PRKAR1A: variants seen among roughly 807,000 people sequenced by gnomAD.
PRKAR1A encodes protein kinase cAMP-dependent type I regulatory subunit alpha, also known as cAMP-dependent protein kinase type I-alpha regulatory subunit.
PRKAR1A carries 3 observed loss-of-function variants against 52.0 expected under a neutral mutation model. The observed-to-expected ratio is 0.06, with a 90% CI of 0.03 to 0.15. The LOEUF is 0.15. Ranked by LOEUF, PRKAR1A falls within the 10% of genes least tolerant of loss-of-function variation. The probability of loss-of-function intolerance (pLI) is 1.00; values close to 1 mark genes in which losing one functional copy is unlikely to be tolerated. For synonymous variants in PRKAR1A, 188 were observed against 168.4 expected (o/e 1.12, Z -0.90); for missense variants, 240 against 477.4 (o/e 0.50, Z 4.63).
chr17:68,454,638 C>T, the PRKAR1A span, among the ~76,000 whole-genome samples: 3 of 152,126 alleles, frequency 2.0e-5, no homozygotes, highest in Admixed American at 6.6e-5. Context: ...AAAAGTAAGC[C>T]CAGAGCATCT....
intron 11 of PRKAR1A, among the ~76,000 whole-genome samples, chr17:68,544,349 C>T (rs2086451695): frequency 6.6e-6 from 1 of 152,128 alleles, no homozygotes; most frequent in Non-Finnish European, 1.5e-5. Context: ...CTGAAAAGCG[C>T]CAGGCTGCCT....
At chr17:68,510,482 C>G (rs866725953), upstream of PRKAR1A, among the ~76,000 whole-genome samples, 1 of 152,140 alleles carries the variant, frequency 6.6e-6, no homozygotes, top group African/African-American at 2.4e-5. Context: ...ACCGAGGAAA[C>G]GGACACCCAT....
At chr17:68,441,440 C>T in the PRKAR1A span, among the ~76,000 whole-genome samples, 1 of 152,162 alleles carries the variant, frequency 6.6e-6, no homozygotes, top group African/African-American at 2.4e-5. Flanking sequence ...CCTTCTGTAC[C>T]CAGCAAGGAT....
At chr17:68,467,820 C>G in the PRKAR1A span, among the ~76,000 whole-genome samples, 111,616 of 151,818 alleles carry the variant, frequency 0.74, 41,387 homozygotes, top group Middle Eastern at 0.79. Context: ...TGATTGCTTC[C>G]AAACTTAGCT....
rs368661273 is a variant in PRKAR1A, at chr17:68,523,677, A to G, written c.349-48A>G. On this transcript the variant is annotated intron_variant, in intron 3 of 10. Coordinates refer to ENST00000589228, the MANE Select transcript of PRKAR1A (RefSeq NM_002734.5). ...TTGAAGCGCAGGTTGCAAACGTGAA[A>G]TGTTTTTGGTTTATGGAATTGTCAT... 8.1e-6 allele frequency: 12 copies of G among 1,473,116 alleles called. No homozygotes were observed. In the African/African-American group the frequency reaches 1.7e-4, roughly 20 times the overall value. The allele number at this position is 1,473,116 out of a possible 1,614,324, so 91.3% of individuals were successfully genotyped here. A position where few individuals can be genotyped will look rare whatever the true frequency, so the allele number is the denominator to read the frequency against.
the PRKAR1A span, among the ~76,000 whole-genome samples, chr17:68,485,931 G>A: frequency 6.6e-6 from 1 of 152,066 alleles, no homozygotes; most frequent in South Asian, 2.1e-4. Context: ...TAGAGATGGG[G>A]TTCTACCATG....
At chr17:68,479,016 C>G in the PRKAR1A span, among the ~76,000 whole-genome samples, 1 of 152,228 alleles carries the variant, frequency 6.6e-6, no homozygotes, top group Non-Finnish European at 1.5e-5. Context: ...GCATAAGCCA[C>G]CGCGCCCAGC....
At chr17:68,448,084 G>A in the PRKAR1A span, among the ~76,000 whole-genome samples, 1 of 151,734 alleles carries the variant, frequency 6.6e-6, no homozygotes, top group African/African-American at 2.4e-5. Context: ...AAGAAACTGT[G>A]CTGTCTGAAG....
chr17:68,543,791 G>T, intron 11 of PRKAR1A: 1 of 1,317,490 alleles, frequency 7.6e-7, no homozygotes, highest in Non-Finnish European at 1.1e-6. Flanking sequence ...GAGCTGATGA[G>T]CATGACCAGC....
In PRKAR1A at chr17:68,528,997, G is replaced by T. The variant is rs1222751049; in HGVS notation, c.891+6G>T. 1.2e-6 allele frequency: 2 copies of T among 1,613,472 alleles called. No individual in the cohort carries two copies. Among genetic ancestry groups the T allele is most frequent in the African/African-American group, 1.3e-5 (1 of 74,866 alleles). On this transcript the variant is annotated splice_donor_region_variant and intron_variant, in intron 9 of 10. Transcript: ENST00000589228. Reference sequence around the variant, plus strand: ...AGTTCTTCATTATTTTAGAGGTAAAGAACTCAGAATTTAATACTTGAATTT... The same window carrying T: ...AGTTCTTCATTATTTTAGAGGTAAATAACTCAGAATTTAATACTTGAATTT...
the PRKAR1A span, among the ~76,000 whole-genome samples, chr17:68,502,090 G>T: frequency 6.6e-6 from 1 of 152,134 alleles, no homozygotes; most frequent in Non-Finnish European, 1.5e-5. Flanking sequence ...CATTGCAACA[G>T]ACTCCTGAGA....
At chr17:68,507,077 C>T (rs918885383), upstream of PRKAR1A, among the ~76,000 whole-genome samples, 2 of 152,144 alleles carry the variant, frequency 1.3e-5, no homozygotes, top group African/African-American at 4.8e-5. Context: ...ATGAAGAATT[C>T]CTGGAAGAGT....
chr17:68,429,815 C>G, the PRKAR1A span, among the ~76,000 whole-genome samples: 1 of 152,180 alleles, frequency 6.6e-6, no homozygotes, highest in Non-Finnish European at 1.5e-5. Context: ...TCTCAAACTC[C>G]TGACCTCAGA....
rs1214905938 is a variant in PRKAR1A at position 68,515,547 on chromosome 17, C to T, written c.148C>T (p.Leu50Phe). 1 of 1,612,702 alleles carries T rather than the reference C, an allele frequency of 6.2e-7. No individual in the cohort carries two copies. Among genetic ancestry groups the T allele is most frequent in the South Asian group, 1.1e-5 (1 of 90,992 alleles). The change falls in exon 2 of 11, where the codon CTC (leucine) becomes TTC (phenylalanine). Residue 50 changes from leucine to phenylalanine, a missense_variant. Transcript: ENST00000589228. The stretch of plus-strand genomic sequence containing the variant: ...TCGACCTGAGAGACCCATGGCATTC[C>T]TCAGGGAATACTTTGAGAGGTTGGA... ...TARPERPMAF[L>F]REYFERLEKE... is the part of the protein sequence containing the mutation.
At chr17:68,489,118 T>C in the PRKAR1A span, among the ~76,000 whole-genome samples, 1 of 143,724 alleles carries the variant, frequency 7.0e-6, no homozygotes, top group Non-Finnish European at 1.5e-5. Context: ...GTTAAAGATT[T>C]AGGTAGCTTT....
intron 11 of PRKAR1A, chr17:68,539,250 ACTGGAAGC>A: frequency 7.4e-7 from 1 of 1,357,346 alleles, no homozygotes; most frequent in Non-Finnish European, 1.1e-6. Context: ...ACCAGTGAAA[ACTGGAAGC>A]CCTTCAGACC....
At position 68,532,126 on chromosome 17, in the gene PRKAR1A, T is replaced by A; in HGVS notation, c.*1677T>A. ...GGTAAGAAAGCCACCTTGTTACAAATTTTTTAATTTCCAAAATAATCTATA... is the reference window on the plus strand; with the variant it reads ...GGTAAGAAAGCCACCTTGTTACAAAATTTTTAATTTCCAAAATAATCTATA... On this transcript the variant is annotated 3_prime_UTR_variant, in exon 11 of 11. Transcript: ENST00000589228. 9.4e-7 allele frequency: 1 copy of A among 1,062,236 alleles called. No homozygotes were observed. Among genetic ancestry groups the A allele is most frequent in the Non-Finnish European group, 1.1e-6 (1 of 876,274 alleles). 65.8% of individuals were successfully genotyped at this position (1,062,236 alleles called of 1,614,324 possible). A position where few individuals can be genotyped will look rare whatever the true frequency, so the allele number is the denominator to read the frequency against.
chr17:68,427,069 GT>G, the PRKAR1A span: 1 of 1,334,460 alleles, frequency 7.5e-7, no homozygotes, highest in African/African-American at 1.4e-5. Flanking sequence ...GGGAGGGAGC[GT>G]GCAGGGAGAA....
chr17:68,452,836 C>T, the PRKAR1A span: 4 of 1,354,872 alleles, frequency 3.0e-6, no homozygotes, highest in African/African-American at 5.8e-5. Context: ...AGCTTGGTAG[C>T]ACCGCAGATT....
Sources: allele counts gnomAD v4.1 joint callset (sites outside exome capture counted in the v4.1 genomes callset), GRCh38; gene constraint gnomAD v4.1.1; transcripts MANE v1.5; gene names NCBI Gene and HGNC (gene_info 2026-07-23, HGNC 2026-07-21).